TNIK: variants seen among roughly 807,000 people sequenced by gnomAD.
TNIK encodes the protein TRAF2 and NCK interacting kinase, also known as TRAF2 and NCK-interacting protein kinase.
TNIK carries 49 observed loss-of-function variants against 191.3 expected under a neutral mutation model. The observed-to-expected ratio is 0.26, with a 90% CI of 0.20 to 0.32. The LOEUF (loss-of-function observed/expected upper bound fraction) is 0.32, where lower values mean the gene tolerates loss of function less well. Among genes scored for constraint, TNIK ranks in the 10% least tolerant of loss-of-function variants. The probability of loss-of-function intolerance (pLI) is 1.00; values close to 1 mark genes in which losing one functional copy is unlikely to be tolerated. For synonymous variants in TNIK, 594 were observed against 600.9 expected, an observed-to-expected ratio of 0.99 and a Z score of 0.17; for missense variants, 1,155 against 1,702.3, an observed-to-expected ratio of 0.68 and a Z score of 5.66.
chr3:171,444,206 T>A (rs998687575), intron 1 of TNIK, among the ~76,000 whole-genome samples: 1 of 152,148 alleles, frequency 6.6e-6, no homozygotes, highest in Non-Finnish European at 1.5e-5. Flanking sequence ...GAACTGTGGA[T>A]TAAATAGCAA....
chr3:171,379,512 C>A (rs1172647374), intron 1 of TNIK, among the ~76,000 whole-genome samples: 2 of 152,186 alleles, frequency 1.3e-5, no homozygotes, highest in African/African-American at 4.8e-5. Flanking sequence ...CCTGCTTGTG[C>A]ACACAAGGAA....
intron 15 of TNIK, among the ~76,000 whole-genome samples, chr3:171,135,467 T>C (rs1428252895): frequency 6.6e-6 from 1 of 152,242 alleles, no homozygotes; most frequent in Non-Finnish European, 1.5e-5. Context: ...ACTCTCCTTC[T>C]ATCAACTAAA....
intron 18 of TNIK, among the ~76,000 whole-genome samples, chr3:171,115,589 C>T (rs1001065571): frequency 5.3e-5 from 8 of 152,132 alleles, no homozygotes; most frequent in South Asian, 4.1e-4. Context: ...GGGGAACAGT[C>T]GGAGCAGACA....
intron 1 of TNIK, among the ~76,000 whole-genome samples, chr3:171,399,607 T>A (rs1720664102): frequency 1.3e-5 from 2 of 152,112 alleles, no homozygotes; most frequent in South Asian, 4.1e-4. Context: ...AGGCAACCGA[T>A]AAAAAAATTA....
chr3:171,161,733 ATGG>A (rs1734015844), intron 10 of TNIK, among the ~76,000 whole-genome samples: 1 of 151,878 alleles, frequency 6.6e-6, no homozygotes, highest in East Asian at 1.9e-4. Context: ...CCTGGCTAAC[ATGG>A]CAAAACCCCG....
chr3:171,135,795 G>A (rs958111702), intron 15 of TNIK, among the ~76,000 whole-genome samples: 14 of 152,266 alleles, frequency 9.2e-5, no homozygotes, highest in African/African-American at 3.1e-4. Flanking sequence ...CAAATGCTGT[G>A]TTTCTTTTAC....
At chr3:171,434,462 TATTTA>T (rs758240938) in intron 1 of TNIK, among the ~76,000 whole-genome samples, 2 of 151,542 alleles carry the variant, frequency 1.3e-5, no homozygotes, top group African/African-American at 2.4e-5. Context: ...TTTATTTATT[TATTTA>T]TTTTTTTTGA....
At chr3:171,258,484 A>G (rs778050806) in intron 2 of TNIK, among the ~76,000 whole-genome samples, 51 of 152,126 alleles carry the variant, frequency 3.4e-4, no homozygotes, top group Middle Eastern at 3.4e-3. Context: ...CCTTTTTCCA[A>G]TGCCCCATGT....
intron 1 of TNIK, among the ~76,000 whole-genome samples, chr3:171,401,315 C>T (rs112154057): frequency 3.9e-5 from 6 of 152,266 alleles, no homozygotes; most frequent in African/African-American, 1.4e-4. Flanking sequence ...GGCTCCTCCT[C>T]CTCCTCACCT....
intron 2 of TNIK, among the ~76,000 whole-genome samples, chr3:171,244,189 C>T (rs1745326629): frequency 6.6e-6 from 1 of 151,832 alleles, no homozygotes; most frequent in African/African-American, 2.4e-5. Context: ...CTCAGCCTCC[C>T]GAGTAGCTGG....
intron 1 of TNIK, among the ~76,000 whole-genome samples, chr3:171,417,188 C>G (rs1190292310): frequency 6.6e-6 from 1 of 152,162 alleles, no homozygotes; most frequent in East Asian, 1.9e-4. Flanking sequence ...CTACTCTTTG[C>G]ATCTCAAAAT....
chr3:171,398,747 T>G (rs576047762), intron 1 of TNIK, among the ~76,000 whole-genome samples: 57 of 152,334 alleles, frequency 3.7e-4, no homozygotes, highest in African/African-American at 1.2e-3. Context: ...ACATTCTACC[T>G]ATGGGAGTGT....
At chr3:171,216,634 G>A (rs977909952) in intron 3 of TNIK, among the ~76,000 whole-genome samples, 1 of 152,128 alleles carries the variant, frequency 6.6e-6, no homozygotes, top group African/African-American at 2.4e-5. Context: ...CATACAGTTT[G>A]AGGTCTGCTT....
At chr3:171,280,105 C>T (rs770193464) in intron 2 of TNIK, among the ~76,000 whole-genome samples, 27 of 152,204 alleles carry the variant, frequency 1.8e-4, no homozygotes, top group Admixed American at 9.8e-4. Flanking sequence ...ATGTCTCGCA[C>T]GTTCCCTCCC....
chr3:171,393,492 G>A (rs914784425), intron 1 of TNIK, among the ~76,000 whole-genome samples: 4 of 152,190 alleles, frequency 2.6e-5, no homozygotes, highest in Non-Finnish European at 5.9e-5. Flanking sequence ...CCTACCACTG[G>A]TTTTTAAACT....
At chr3:171,406,788 G>A (rs1045250706) in intron 1 of TNIK, among the ~76,000 whole-genome samples, 2 of 152,220 alleles carry the variant, frequency 1.3e-5, no homozygotes, top group African/African-American at 4.8e-5. Context: ...TAACTGCCCA[G>A]AGAAAGAGGA....
chr3:171,423,485 T>G (rs1724091917), intron 1 of TNIK, among the ~76,000 whole-genome samples: 1 of 152,062 alleles, frequency 6.6e-6, no homozygotes, highest in African/African-American at 2.4e-5. Context: ...AAAACTACTT[T>G]AAAGTTCACA....
chr3:171,357,856 A>G (rs1423812678), intron 2 of TNIK, among the ~76,000 whole-genome samples: 1 of 152,204 alleles, frequency 6.6e-6, no homozygotes, highest in East Asian at 1.9e-4. Context: ...GTGCTACCAT[A>G]GATGGACACA....
intron 7 of TNIK, among the ~76,000 whole-genome samples, chr3:171,179,430 G>A (rs1413412213): frequency 6.6e-6 from 1 of 151,804 alleles, no homozygotes; most frequent in Admixed American, 6.6e-5. Context: ...CAAAAACGCA[G>A]TTCTATTGTA....
Sources: allele counts gnomAD v4.1 joint callset (sites outside exome capture counted in the v4.1 genomes callset), GRCh38; gene constraint gnomAD v4.1.1; transcripts MANE v1.5; gene names NCBI Gene and HGNC (gene_info 2026-07-23, HGNC 2026-07-21).